Variants in CHD1 observed in about 807,000 individuals in gnomAD.
CHD1 encodes the protein chromodomain helicase DNA binding protein 1.
CHD1 carries 36 observed loss-of-function variants against 224.2 expected under a neutral mutation model. The observed-to-expected ratio is 0.16, with a 90% confidence interval of 0.12 to 0.21. CHD1 has a LOEUF of 0.21. CHD1 is among the 10% of genes least tolerant of loss of function. CHD1 has a pLI of 1.00. For missense variants in CHD1, 1,378 were observed against 1,994.8 expected (o/e 0.69, Z 5.89); for synonymous variants, 668 against 658.3 (o/e 1.01, Z -0.23).
Position 98,885,586 on chromosome 5 carries a change from C to T in CHD1, c.2560G>A (p.Gly854Arg). The change falls in exon 18 of 36, where the codon GGA becomes AGA. Residue 854 changes from glycine (G) to arginine (R), a missense_variant. By Grantham distance (125) the Gly-to-Arg change is moderately radical (BLOSUM62 -2). Around this residue, in one of 16 missense-constraint regions of CHD1, gnomAD observed 57 missense variants for 177.2 expected, o/e 0.32. Coordinates refer to ENST00000614616, the MANE Select transcript of CHD1 (RefSeq NM_001270.4). ...AAAGCACTAATACATACCTCTGATCCCTCAGCATTAAAATGATCTAGAGCT... is the reference window on the plus strand; with the variant it reads ...AAAGCACTAATACATACCTCTGATCTCTCAGCATTAAAATGATCTAGAGCT... The part of the protein sequence containing the change: ...KQALDHFNAE[G>R]SEDFCFLLST... The T allele has an allele frequency of 2.5e-6, 4 of 1,592,318 alleles. No individual in the cohort carries two copies. The highest frequency in any genetic ancestry group is 3.4e-6 in the Non-Finnish European group (4 of 1,163,816).
At chr5:98,894,254 T>C (rs747127821) in intron 13 of CHD1, among the ~76,000 whole-genome samples, 9 of 152,372 alleles carry the variant, frequency 5.9e-5, no homozygotes, top group South Asian at 2.1e-4. Flanking sequence ...CTGTTAGGTA[T>C]CTTCCTCTTC....
intron 31 of CHD1, among the ~76,000 whole-genome samples, chr5:98,867,568 G>A (rs161737): frequency 0.14 from 20,876 of 152,200 alleles, 1,808 homozygotes; most frequent in Middle Eastern, 0.27. Context: ...ATGTGTGTGT[G>A]TGTGTGTACA....
intron 2 of CHD1, among the ~76,000 whole-genome samples, chr5:98,920,663 G>T (rs1753030103): frequency 6.6e-6 from 1 of 152,090 alleles, no homozygotes; most frequent in South Asian, 2.1e-4. Flanking sequence ...CAGGCATGGT[G>T]GTGCACACCT....
chr5:98,908,880 A>C (rs956696960), intron 2 of CHD1, among the ~76,000 whole-genome samples: 1 of 152,126 alleles, frequency 6.6e-6, no homozygotes, highest in Non-Finnish European at 1.5e-5. Context: ...TACTGTGATA[A>C]AATTATAGTG....
rs1748006789 is a variant in CHD1 at position 98,856,180 on chromosome 5, T to C, written c.*200A>G. On this transcript the variant is annotated 3_prime_UTR_variant, in exon 36 of 36. Coordinates refer to ENST00000614616, the MANE Select transcript of CHD1 (RefSeq NM_001270.4). ...AAAAAAAAGTACTACAATTTTGTAG[T>C]ACAGTGCAGCATAATCCTTAAATAT... 1 of 481,082 alleles carries C rather than the reference T, an allele frequency of 2.1e-6. No homozygotes were observed. Among genetic ancestry groups the C allele is most frequent in the Non-Finnish European group, 3.7e-6 (1 of 267,968 alleles). The allele number at this position is 481,082 out of a possible 1,614,324, so 29.8% of individuals were successfully genotyped here.
In CHD1 at chr5:98,868,638, A is replaced by G. The variant is rs1259114863; in HGVS notation, c.4108-3T>C. 5 of 1,546,440 alleles carry G rather than the reference A, an allele frequency of 3.2e-6. No individual in the cohort carries two copies. The highest frequency in any genetic ancestry group is 3.5e-6 in the Non-Finnish European group (4 of 1,149,012). On this transcript the variant is annotated splice_polypyrimidine_tract_variant and splice_region_variant and intron_variant, in intron 30 of 35. Coordinates refer to ENST00000614616, the MANE Select transcript of CHD1 (RefSeq NM_001270.4). ...CCATCAGACTTGGATTCACTCAACT[A>G]AAGAAAAAGTGAAAAGAAAACAAAA...
At position 98,928,042 on chromosome 5, in the gene CHD1, G is replaced by T. The variant is rs1208809905; in HGVS notation, c.-149+497C>A. ...GAAACCATCCTCACTCATCCATCCA[G>T]CGCGCTCCAATCAGCCTCCCTCGCG... On this transcript the variant is annotated intron_variant, in intron 1 of 35. Coordinates refer to ENST00000614616, the MANE Select transcript of CHD1 (RefSeq NM_001270.4). Among the ~76,000 whole-genome samples, 16 of 152,206 alleles carry T rather than the reference G, an allele frequency of 1.1e-4. No individual in the cohort carries two copies. In the East Asian group the frequency reaches 3.1e-3, roughly 29 times the overall value.
chr5:98,901,252 C>T lies in CHD1; in HGVS notation c.521G>A (p.Ser174Asn). ...SESEEEREKS[S>N]CDETESDYEP... ...ATAATCAGATTCTGTTTCATCACAACTGCTTTTCTCTCTCTCTTCTTCAGA... is the reference window on the plus strand; with the variant it reads ...ATAATCAGATTCTGTTTCATCACAATTGCTTTTCTCTCTCTCTTCTTCAGA... The change falls in exon 6 of 36, where the codon AGT (serine) becomes AAT (asparagine). Residue 174 changes from serine (S) to asparagine (N), a missense_variant. Ser to Asn is a conservative substitution (Grantham distance 46). Coordinates refer to ENST00000614616, the MANE Select transcript of CHD1 (RefSeq NM_001270.4). 1.2e-6 allele frequency: 2 copies of T among 1,613,972 alleles called. No individual in the cohort carries two copies. The highest frequency in any genetic ancestry group is 1.7e-6 in the Non-Finnish European group (2 of 1,179,950).
intron 32 of CHD1, among the ~76,000 whole-genome samples, chr5:98,861,925 G>A (rs1178088549): frequency 6.6e-6 from 1 of 152,056 alleles, no homozygotes. Flanking sequence ...GGGAGGCCAA[G>A]GCAGGCAGAT....
Position 98,854,804 on chromosome 5 carries a change from T to C in CHD1, c.*1576A>G, listed in dbSNP as rs566740696. On this transcript the variant is annotated 3_prime_UTR_variant, in exon 36 of 36. Coordinates refer to ENST00000614616, the MANE Select transcript of CHD1 (RefSeq NM_001270.4). ...AACAGTGACACACATAGCAATACTA[T>C]AGAAATTATGTCCACATACTTATAT... The C allele has an allele frequency of 6.6e-5, 10 of 152,310 alleles. No homozygotes were observed. The highest frequency in any genetic ancestry group is 2.0e-4 in the Admixed American group (3 of 15,296). 9.4% of individuals were successfully genotyped at this position (152,310 alleles called of 1,614,324 possible).
rs149500184 is a variant in CHD1 at position 98,926,375 on chromosome 5, G to A, written c.12C>T (p.His4=). MNG[H]SDEESVRNSS... ...TGTTTCTAACACTTTCTTCATCACTGTGTCCATTCATTGTAAATTATTATC... is the reference window on the plus strand; with the variant it reads ...TGTTTCTAACACTTTCTTCATCACTATGTCCATTCATTGTAAATTATTATC... Residue 4 remains histidine, a synonymous_variant, in exon 2 of 36, where the codon CAC becomes CAT. Transcript: ENST00000614616. The A allele has an allele frequency of 1.3e-6, 2 of 1,506,618 alleles. No individual in the cohort carries two copies. The highest frequency in any genetic ancestry group is 1.8e-6 in the Non-Finnish European group (2 of 1,123,236). The allele number at this position is 1,506,618 out of a possible 1,614,324, so 93.3% of individuals were successfully genotyped here.
In CHD1 at chr5:98,856,435, T is replaced by A; in HGVS notation, c.5078A>T (p.His1693Leu). The A allele has an allele frequency of 6.2e-7, 1 of 1,611,338 alleles. No individual in the cohort carries two copies. Residue 1693 changes from histidine (H) to leucine (L), a missense_variant, in exon 36 of 36, where the codon CAT becomes CTT. His to Leu is a moderately conservative substitution (Grantham distance 99, BLOSUM62 -3). Coordinates refer to ENST00000614616, the MANE Select transcript of CHD1 (RefSeq NM_001270.4). ...CGGTGTACTTTTGTGTTCAACTGAA[T>A]GTTCAAATGGAGATCTGGAGCCATA... ...SPYGSRSPFE[H>L]SVEHKSTPEH...
At chr5:98,876,655 T>G in intron 23 of CHD1, 97 bp from the exon 24 acceptor site, 1 of 1,043,438 alleles carries the variant, frequency 9.6e-7, no homozygotes. Flanking sequence ...CTTAAAAATG[T>G]TATTAAATGT....
At chr5:98,923,933 C>T (rs1314845793) in intron 2 of CHD1, among the ~76,000 whole-genome samples, 1 of 151,998 alleles carries the variant, frequency 6.6e-6, no homozygotes, top group Non-Finnish European at 1.5e-5. Context: ...GTATTTCTAC[C>T]TACTAACCAT....
intron 27 of CHD1, 79 bp from the exon 28 acceptor site, chr5:98,872,280 T>C (rs1293580163): frequency 6.7e-6 from 10 of 1,503,110 alleles, no homozygotes; most frequent in Non-Finnish European, 5.4e-6. Context: ...CGTGAGTCAT[T>C]AGAACTTCAA....
intron 2 of CHD1, among the ~76,000 whole-genome samples, chr5:98,910,718 T>C (rs907319382): frequency 3.9e-5 from 6 of 152,140 alleles, no homozygotes; most frequent in Admixed American, 3.3e-4. Context: ...AAATAAATGG[T>C]AGCAGATTAT....
intron 33 of CHD1, among the ~76,000 whole-genome samples, chr5:98,859,267 G>T (rs934745521): frequency 6.6e-6 from 1 of 152,064 alleles, no homozygotes; most frequent in Non-Finnish European, 1.5e-5. Flanking sequence ...AAAATACTGA[G>T]TTCCCTTCAT....
Position 98,898,316 on chromosome 5 carries a change from T to C in CHD1, c.1305A>G (p.Ala435=), listed in dbSNP as rs2112505725. ...TCCTGCTAAAATACTCATCAATGCA[T>C]GCTTGAAACTTTTTGGAAATGAGAG... ...DGALISKKFQ[A]CIDEYFSRNQ... is the part of the protein sequence containing the mutation. The change falls in exon 10 of 36, where the codon GCA becomes GCG. Residue 435 remains alanine (A), a synonymous_variant. Coordinates refer to ENST00000614616, the MANE Select transcript of CHD1 (RefSeq NM_001270.4). The C allele has an allele frequency of 6.2e-7, 1 of 1,601,708 alleles. No individual in the cohort carries two copies. Among genetic ancestry groups the C allele is most frequent in the Non-Finnish European group, 8.5e-7 (1 of 1,174,538 alleles).
At chr5:98,895,148 G>A (rs1391721684) in intron 12 of CHD1, among the ~76,000 whole-genome samples, 1 of 152,056 alleles carries the variant, frequency 6.6e-6, no homozygotes, top group African/African-American at 2.4e-5. Flanking sequence ...AGTCCAAAAT[G>A]CTATGTAAAT....
Sources: gnomAD v4.1 joint callset for allele counts (sites outside exome capture counted in the v4.1 genomes callset) on GRCh38, gnomAD v4.1.1 for gene constraint, gnomAD v4.1.1 regional missense constraint, MANE v1.5 for transcripts, NCBI Gene and HGNC (gene_info 2026-07-23, HGNC 2026-07-21) for gene names.